The following TRPV2 variants were observed in gnomAD, a reference collection of about 807,000 sequenced individuals.
The protein encoded by TRPV2 is OTRPC2.
In TRPV2, 58 loss-of-function variants were observed where a neutral mutation model predicts 91.0. The observed-to-expected ratio is 0.64, with a 90% confidence interval of 0.52 to 0.79. TRPV2 has a LOEUF of 0.79. TRPV2 is among the 30% of genes least tolerant of loss of function. The pLI is 0.00. For missense variants in TRPV2, 807 were observed against 969.6 expected (o/e 0.83, Z 2.23); for synonymous variants, 417 against 414.8 (o/e 1.01, Z -0.06).
intron 3 of TRPV2, 147 bp downstream of exon 3, chr17:16,420,395 AC>A (rs915949255): frequency 2.8e-6 from 3 of 1,074,164 alleles, no homozygotes; most frequent in Admixed American, 2.5e-5. Flanking sequence ...GGCCCTGTGG[AC>A]AGAGTTAATC....
At chr17:16,433,141 T>G (rs556275293) in intron 12 of TRPV2, 1 of 158,628 alleles carries the variant, frequency 6.3e-6, no homozygotes, top group South Asian at 1.8e-4. Context: ...GGGAAGCCCC[T>G]TATCTCCTCT....
rs889502661 is a variant in TRPV2, at chr17:16,435,768, G to A, written c.2194+799G>A. On this transcript the variant is annotated intron_variant, in intron 14 of 14. Coordinates refer to ENST00000338560, the MANE Select transcript of TRPV2 (RefSeq NM_016113.5). This position sits in a 1 kb window ranked among gnomAD's most constrained non-coding sequence, Gnocchi z 4.2. The stretch of plus-strand genomic sequence containing the variant: ...GAGTCTCCCATGGCCCCTGTTGTAG[G>A]GAGGCTCCTCTGGCCTCTTCTGCCC... 7.2e-5 allele frequency among the ~76,000 whole-genome samples: 11 copies of A among 152,118 alleles called. No homozygotes were observed. Among genetic ancestry groups the A allele is most frequent in the Non-Finnish European group, 1.5e-4 (10 of 68,010 alleles).
chr17:16,428,097 A>G (rs548470222), intron 8 of TRPV2, among the ~76,000 whole-genome samples: 1 of 152,192 alleles, frequency 6.6e-6, no homozygotes, highest in South Asian at 2.1e-4. Context: ...CATGCAGTGC[A>G]CAGGCTCTTC....
At chr17:16,420,519 A>G (rs2093351877) in intron 3 of TRPV2, among the ~76,000 whole-genome samples, 1 of 152,058 alleles carries the variant, frequency 6.6e-6, no homozygotes, top group African/African-American at 2.4e-5. Flanking sequence ...GGAAACCCAA[A>G]GCAATCTTTT....
In TRPV2 at chr17:16,417,632, A is replaced by C. The variant is rs368492158; in HGVS notation, c.-37A>C. ...ACCCTTGACATCTCCATCTGCACAG[A>C]GGTCCTGGCTGGACCGAGCAGCCTC... On this transcript the variant is annotated 5_prime_UTR_variant, in exon 2 of 15. Transcript: ENST00000338560. The C allele has an allele frequency of 4.4e-6, 7 of 1,606,904 alleles. No homozygotes were observed. The highest frequency in any genetic ancestry group is 5.1e-6 in the Non-Finnish European group (6 of 1,174,282).
intron 4 of TRPV2, among the ~76,000 whole-genome samples, chr17:16,423,228 G>A (rs117954585): frequency 0.027 from 4,181 of 152,342 alleles, 96 homozygotes; most frequent in Non-Finnish European, 0.041. Context: ...AAAGAAATAG[G>A]GGCTGCTAGC....
rs2093384393 is a variant in TRPV2 at position 16,426,619 on chromosome 17, CCTCT to C, written c.1096-99_1096-96del. 1.5e-6 allele frequency: 2 copies of C among 1,362,492 alleles called. No individual in the cohort carries two copies. Among genetic ancestry groups the C allele is most frequent in the Admixed American group, 4.3e-5 (2 of 46,578 alleles). The allele number at this position is 1,362,492 out of a possible 1,614,324, so 84.4% of individuals were successfully genotyped here. Reference sequence around the variant, plus strand: ...TGGGGTGTGGAAGCCTGCTCCCTGTCCTCTCTCCTCATTTCCTGGGCCCTTGCTT... The same window carrying C: ...TGGGGTGTGGAAGCCTGCTCCCTGTCCTCCTCATTTCCTGGGCCCTTGCTT... On this transcript the variant is annotated intron_variant, in intron 6 of 14. Coordinates refer to ENST00000338560, the MANE Select transcript of TRPV2 (RefSeq NM_016113.5). This position sits in a 1 kb window ranked among gnomAD's most constrained non-coding sequence, Gnocchi z 6.0.
At chr17:16,434,355 C>T (rs2093426166) in intron 13 of TRPV2, among the ~76,000 whole-genome samples, 1 of 151,574 alleles carries the variant, frequency 6.6e-6, no homozygotes, top group Non-Finnish European at 1.5e-5. Context: ...GTAGTCCCAG[C>T]TACTCAGGAG....
chr17:16,432,267 C>T lies in TRPV2; in HGVS notation c.1956C>T (p.Val652=), dbSNP rs1462165171. Residue 652 remains valine (V), a synonymous_variant, in exon 12 of 15, where the codon GTC becomes GTT. Coordinates refer to ENST00000338560, the MANE Select transcript of TRPV2 (RefSeq NM_016113.5). The part of the protein sequence containing the change: ...IALMSETVNS[V]ATDSWSIWKL... ...TCATGAGCGAGACCGTCAACAGTGT[C>T]GCCACTGACAGCTGGAGCATCTGGA... The T allele has an allele frequency of 2.0e-5, 33 of 1,611,012 alleles. No homozygotes were observed. Among genetic ancestry groups the T allele is most frequent in the South Asian group, 1.3e-4 (12 of 91,000 alleles).
rs545674571 is a variant in TRPV2 at position 16,435,692 on chromosome 17, T to C, written c.2194+723T>C. 5.1e-4 allele frequency among the ~76,000 whole-genome samples: 77 copies of C among 152,188 alleles called. 1 individual carries two copies. Among genetic ancestry groups the C allele is most frequent in the South Asian group, 4.6e-3 (22 of 4,822 alleles). On this transcript the variant is annotated intron_variant, in intron 14 of 14. Transcript: ENST00000338560. This position sits in a 1 kb window ranked among gnomAD's most constrained non-coding sequence, Gnocchi z 4.2. ...ACCTCCTCTCCTTTCTCCATCTCTT[T>C]CCTGACAAATTTCACTTGCTTGTGC... is the stretch of plus-strand genomic sequence containing the variant.
chr17:16,436,858 A>G lies in TRPV2; in HGVS notation c.2264A>G (p.Tyr755Cys), dbSNP rs1451386734. The G allele has an allele frequency of 3.7e-6, 6 of 1,614,072 alleles. No homozygotes were observed. The South Asian group carries it at 4.4e-5, about 12-fold the overall frequency. ...GAGGATGGTGCCTCTGAGGAAAACTATGTGCCCGTCCAGCTCCTCCAGTCC... is the reference window on the plus strand; with the variant it reads ...GAGGATGGTGCCTCTGAGGAAAACTGTGTGCCCGTCCAGCTCCTCCAGTCC... The part of the protein sequence containing the change: ...EDEDGASEEN[Y>C]VPVQLLQSN The change falls in exon 15 of 15, where the codon TAT (tyrosine) becomes TGT (cysteine). Residue 755 changes from tyrosine to cysteine, a missense_variant. Coordinates refer to ENST00000338560, the MANE Select transcript of TRPV2 (RefSeq NM_016113.5).
intron 1 of TRPV2, among the ~76,000 whole-genome samples, 187 bp from the exon 2 acceptor site, chr17:16,417,375 G>A (rs560891834): frequency 1.5e-4 from 23 of 151,772 alleles, no homozygotes; most frequent in Admixed American, 5.9e-4. Context: ...CTAGTAGCTG[G>A]GATTACAGGC....
rs576176898 is a variant in TRPV2 at position 16,430,487 on chromosome 17, C to CTTTTTTTTTTTTTTTTTTTTT, written c.1588-1281_1588-1280insTTTTTTTTTTTTTTTTTTTTT. On this transcript the variant is annotated intron_variant, in intron 10 of 14. Coordinates refer to ENST00000338560, the MANE Select transcript of TRPV2 (RefSeq NM_016113.5). Reference sequence around the variant, plus strand: ...TGTAGCATGTGTCAGAAATGCCTTCCTTTTTTTTTTTTTTTTGAGATGGAG... The same window carrying CTTTTTTTTTTTTTTTTTTTTT: ...TGTAGCATGTGTCAGAAATGCCTTCCTTTTTTTTTTTTTTTTTTTTTTTTTTTTTTTTTTTTTGAGATGGAG... 7.5e-5 allele frequency among the ~76,000 whole-genome samples: 6 copies of CTTTTTTTTTTTTTTTTTTTTT among 80,480 alleles called. 3 individuals carry two copies. The highest frequency in any genetic ancestry group is 2.2e-4 in the Non-Finnish European group (6 of 26,780). The allele number at this position is 80,480 out of a possible 152,430, so 52.8% of individuals were successfully genotyped here.
chr17:16,420,194 C>G lies in TRPV2; in HGVS notation c.280C>G (p.Leu94Val), dbSNP rs746895554. 7.4e-6 allele frequency: 12 copies of G among 1,614,186 alleles called. No homozygotes were observed. The highest frequency in any genetic ancestry group is 1.7e-5 in the Admixed American group (1 of 60,018). The change falls in exon 3 of 15, where the codon CTT (leucine) becomes GTT (valine). Residue 94 changes from leucine to valine, a missense_variant. Leu to Val is a conservative substitution (Grantham distance 32). Coordinates refer to ENST00000338560, the MANE Select transcript of TRPV2 (RefSeq NM_016113.5). ...SRGVPEDLAG[L>V]PEYLSKTSKY... ...GGGTGTCCCCGAGGATCTGGCTGGA[C>G]TTCCAGAGTACCTGAGCAAGACCAG...
Position 16,426,697 on chromosome 17 carries a change from C to T in TRPV2, c.1096-25C>T. 1 of 1,605,204 alleles carries T rather than the reference C, an allele frequency of 6.2e-7. No individual in the cohort carries two copies. Among genetic ancestry groups the T allele is most frequent in the Non-Finnish European group, 8.5e-7 (1 of 1,175,904 alleles). On this transcript the variant is annotated intron_variant, in intron 6 of 14. Transcript: ENST00000338560. This position sits in a 1 kb window ranked among gnomAD's most constrained non-coding sequence, Gnocchi z 6.0. ...CCTATTTGCACTTGTTGAGTGTACC[C>T]ATGGCTCTCCCCTCCCCACCCCAGC...
chr17:16,431,705 G>C, intron 10 of TRPV2, 79 bp from the exon 11 acceptor site: 8 of 1,315,478 alleles, frequency 6.1e-6, no homozygotes, highest in Middle Eastern at 1.9e-4. Flanking sequence ...GAACCATGCT[G>C]CTGTGGGTGA....
rs1438044693 is a variant in TRPV2, at chr17:16,435,302, C to A, written c.2194+333C>A. The stretch of plus-strand genomic sequence containing the variant: ...TGGTTATCGAGGGTCTGTCCCCAGC[C>A]AGGCCTGGGCTGAGCCTGGGGACTC... On this transcript the variant is annotated intron_variant, in intron 14 of 14. Transcript: ENST00000338560. This position sits in a 1 kb window ranked among gnomAD's most constrained non-coding sequence, Gnocchi z 4.2. Among the ~76,000 whole-genome samples, 1 of 152,150 alleles carries A rather than the reference C, an allele frequency of 6.6e-6. No homozygotes were observed. The highest frequency in any genetic ancestry group is 1.5e-5 in the Non-Finnish European group (1 of 68,016).
In TRPV2 at chr17:16,432,445, T is replaced by TTA. The variant is rs1369193564; in HGVS notation, c.1989+146_1989+147insAT. The TTA allele has an allele frequency of 6.9e-6, 5 of 724,062 alleles. No individual in the cohort carries two copies. In the African/African-American group the frequency reaches 7.2e-5, roughly 10 times the overall value. 44.9% of individuals were successfully genotyped at this position (724,062 alleles called of 1,614,324 possible). On this transcript the variant is annotated intron_variant, in intron 12 of 14. Coordinates refer to ENST00000338560, the MANE Select transcript of TRPV2 (RefSeq NM_016113.5). ...CTTGTCAGTCTTCCTCTTCCTTTTTTTTTTTTTTTTCTGGAGACAAGGTCT... is the reference window on the plus strand; with the variant it reads ...CTTGTCAGTCTTCCTCTTCCTTTTTTTATTTTTTTTTTCTGGAGACAAGGTCT...
intron 2 of TRPV2, among the ~76,000 whole-genome samples, chr17:16,419,050 G>A (rs8079271): frequency 5.9e-5 from 9 of 151,284 alleles, no homozygotes; most frequent in Admixed American, 2.6e-4. Context: ...AAAAAGTGAC[G>A]GATCCCAACA....
Sources: allele counts gnomAD v4.1 joint callset (sites outside exome capture counted in the v4.1 genomes callset), GRCh38; gene constraint gnomAD v4.1.1; non-coding constraint Gnocchi (gnomAD v3.1); transcripts MANE v1.5; gene names NCBI Gene and HGNC (gene_info 2026-07-23, HGNC 2026-07-21).